Variants in LIFR observed in about 807,000 individuals in gnomAD.
LIFR encodes LIF receptor subunit alpha.
A neutral mutation model predicts 122.2 loss-of-function variants in LIFR; 84 were observed. The observed-to-expected ratio is 0.69, with a 90% CI of 0.58 to 0.82. The LOEUF (loss-of-function observed/expected upper bound fraction) is 0.82. Among genes scored for constraint, LIFR ranks in the 40% least tolerant of loss-of-function variants. The pLI is 0.00. For missense variants in LIFR, 1,294 were observed against 1,311.6 expected, an observed-to-expected ratio of 0.99 and a Z score of 0.21; for synonymous variants, 422 against 434.7, an observed-to-expected ratio of 0.97 and a Z score of 0.36.
chr5:38,549,318 C>T (rs1296096411), intron 1 of LIFR, among the ~76,000 whole-genome samples: 2 of 150,334 alleles, frequency 1.3e-5, no homozygotes, highest in Non-Finnish European at 2.9e-5. Context: ...ATCAACGTAC[C>T]CATATGTTTT....
At chr5:38,538,315 T>C (rs1747397724) in intron 1 of LIFR, among the ~76,000 whole-genome samples, 3 of 152,240 alleles carry the variant, frequency 2.0e-5, no homozygotes, top group African/African-American at 7.2e-5. Context: ...ACATCACTTG[T>C]ATGCTAATTA....
chr5:38,567,782 A>G (rs1022149618), intron 1 of LIFR, among the ~76,000 whole-genome samples: 6 of 151,816 alleles, frequency 4.0e-5, no homozygotes, highest in African/African-American at 9.7e-5. Context: ...GCCCACCTCA[A>G]CCTCCCAAAG....
chr5:38,573,929 A>G lies in LIFR; in HGVS notation c.-20+21332T>C, dbSNP rs559805519. On this transcript the variant is annotated intron_variant, in intron 1 of 19. Coordinates refer to the LIFR transcript ENST00000263409. ...AGGCTGAGGCAGACCAGCCTGGCCAACATGGTGAAACCCCGTCTCTACTAA... is the reference window on the plus strand; with the variant it reads ...AGGCTGAGGCAGACCAGCCTGGCCAGCATGGTGAAACCCCGTCTCTACTAA... Among the ~76,000 whole-genome samples, 26 of 152,262 alleles carry G rather than the reference A, an allele frequency of 1.7e-4. No individual in the cohort carries two copies. In the South Asian group the frequency reaches 5.0e-3, roughly 29 times the overall value.
chr5:38,551,909 T>A (rs979851739), intron 1 of LIFR, among the ~76,000 whole-genome samples: 1 of 152,164 alleles, frequency 6.6e-6, no homozygotes, highest in East Asian at 1.9e-4. Context: ...TAAGACAAAT[T>A]TGCAATTCCC....
intron 12 of LIFR, among the ~76,000 whole-genome samples, chr5:38,498,847 A>G (rs1021890293): frequency 3.3e-5 from 5 of 152,288 alleles, no homozygotes; most frequent in African/African-American, 1.2e-4. Flanking sequence ...ACTTCACTTT[A>G]CTCAAAGCTG....
rs143614688 is a variant in LIFR at position 38,604,808 on chromosome 5, C to T, written n.305+1397G>A. Among the ~76,000 whole-genome samples the T allele has an allele frequency of 5.3e-5, 8 of 152,220 alleles. No individual in the cohort carries two copies. In the East Asian group the frequency reaches 1.5e-3, roughly 29 times the overall value. On this transcript the variant is annotated intron_variant and non_coding_transcript_variant, in intron 2 of 3. Coordinates refer to the LIFR transcript ENST00000507786. ...ACATGTGCGTAAGGTGGTCGGTGTA[C>T]AGCTTGCTTTTATACATTTTAGGGA...
chr5:38,486,040 C>T, intron 16 of LIFR, 60 bp from the exon 17 acceptor site: 2 of 1,483,032 alleles, frequency 1.3e-6, no homozygotes, highest in Non-Finnish European at 1.9e-6. Context: ...TGCATGGTTA[C>T]CCACACCTGT....
rs776513402 is a variant in LIFR, at chr5:38,481,656, GGA to G, written c.3231_3232del (p.Pro1078Ter). ...GGACCACCCTCCTCCATTAGATTTA[GGA>G]GAGTCTTCATCTTTAGGAGGAATCA... On this transcript the variant is annotated frameshift_variant, in exon 20 of 20. Transcript: ENST00000453190. LOFTEE classifies it high-confidence loss of function. 7 of 1,614,028 alleles carry G rather than the reference GGA, an allele frequency of 4.3e-6. No homozygotes were observed. Among genetic ancestry groups the G allele is most frequent in the Admixed American group, 1.7e-5 (1 of 60,006 alleles).
In LIFR at chr5:38,538,885, A is replaced by G. The variant is rs150995845; in HGVS notation, c.-19-8219T>C. On this transcript the variant is annotated intron_variant, in intron 1 of 19. Coordinates refer to ENST00000453190, the MANE Select transcript of LIFR (RefSeq NM_001127671.2). ...ACCAACAGCTCAGACAACCGTCCAC[A>G]CTAAAATTCACACGTCTATTCCGCA... 4.9e-3 allele frequency among the ~76,000 whole-genome samples: 753 copies of G among 152,286 alleles called. 15 individuals are homozygous for G. The highest frequency in any genetic ancestry group is 0.042 in the Admixed American group (650 of 15,300).
chr5:38,545,420 A>G (rs1207048592), intron 1 of LIFR, among the ~76,000 whole-genome samples: 1 of 152,156 alleles, frequency 6.6e-6, no homozygotes, highest in Non-Finnish European at 1.5e-5. Context: ...CTAGAAGGAT[A>G]TGTAACAATG....
intron 5 of LIFR, among the ~76,000 whole-genome samples, chr5:38,513,962 A>T (rs1188679239): frequency 6.6e-6 from 1 of 152,150 alleles, no homozygotes; most frequent in Non-Finnish European, 1.5e-5. Flanking sequence ...AAAAACTTTA[A>T]ATCATTACTA....
rs190604853 is a variant in LIFR at position 38,491,916 on chromosome 5, A to C, written c.2066-1625T>G. ...CATCTGTAAATCTGTACCTCTTTTTATGTTAAAATTATTTATTAACAATAT... is the reference window on the plus strand; with the variant it reads ...CATCTGTAAATCTGTACCTCTTTTTCTGTTAAAATTATTTATTAACAATAT... On this transcript the variant is annotated intron_variant, in intron 14 of 19. Coordinates refer to ENST00000453190, the MANE Select transcript of LIFR (RefSeq NM_001127671.2). 2.5e-3 allele frequency among the ~76,000 whole-genome samples: 377 copies of C among 152,276 alleles called. 1 individual carries two copies. The highest frequency in any genetic ancestry group is 8.4e-3 in the African/African-American group (348 of 41,554).
intron 1 of LIFR, among the ~76,000 whole-genome samples, chr5:38,545,698 T>TA (rs1290891941): frequency 6.6e-6 from 1 of 151,468 alleles, no homozygotes; most frequent in Non-Finnish European, 1.5e-5. Context: ...CTGTGTCTAC[T>TA]AAAAATTCAA....
intron 5 of LIFR, among the ~76,000 whole-genome samples, chr5:38,518,226 T>C (rs1468618831): frequency 6.6e-6 from 1 of 152,096 alleles, no homozygotes; most frequent in African/African-American, 2.4e-5. Flanking sequence ...AATTAAAATA[T>C]ATATATTTCT....
chr5:38,509,825 A>C, intron 7 of LIFR, among the ~76,000 whole-genome samples: 1 of 152,218 alleles, frequency 6.6e-6, no homozygotes, highest in East Asian at 1.9e-4. Flanking sequence ...ATTCAACACA[A>C]GCCACATGGG....
intron 5 of LIFR, among the ~76,000 whole-genome samples, chr5:38,517,143 C>T (rs941843609): frequency 2.0e-5 from 3 of 151,814 alleles, no homozygotes; most frequent in Admixed American, 6.6e-5. Context: ...CACCATGGCA[C>T]GTATACACCT....
chr5:38,595,450 C>G (rs1357625399), upstream of LIFR: 4 of 152,220 alleles, frequency 2.6e-5, no homozygotes, highest in African/African-American at 9.7e-5. Context: ...TGTGGCATTG[C>G]CCAGGGACTG....
At chr5:38,535,699 C>T (rs1747261819) in intron 1 of LIFR, among the ~76,000 whole-genome samples, 1 of 152,180 alleles carries the variant, frequency 6.6e-6, no homozygotes, top group Non-Finnish European at 1.5e-5. Flanking sequence ...CACTGTAACC[C>T]TCAGTGTCCA....
At chr5:38,526,709 A>G (rs937984227) in intron 4 of LIFR, among the ~76,000 whole-genome samples, 2 of 152,104 alleles carry the variant, frequency 1.3e-5, no homozygotes, top group African/African-American at 4.8e-5. Context: ...TCTAATCATG[A>G]TCAGGACCAT....
Sources: allele counts gnomAD v4.1 joint callset (sites outside exome capture counted in the v4.1 genomes callset), GRCh38; gene constraint gnomAD v4.1.1; transcripts MANE v1.5; gene names NCBI Gene and HGNC (gene_info 2026-07-23, HGNC 2026-07-21).